Variants in FLNC observed in about 807,000 individuals in gnomAD.
The protein encoded by FLNC is filamin-C.
FLNC carries 91 observed loss-of-function variants against 254.3 expected under a neutral mutation model. The ratio of observed to expected loss-of-function variants is 0.36; its 90% CI spans 0.30 to 0.43. FLNC has a LOEUF of 0.43. Among genes scored for constraint, FLNC ranks in the 20% least tolerant of loss-of-function variants. The probability of loss-of-function intolerance (pLI) is 1.00; values close to 1 mark genes in which losing one functional copy is unlikely to be tolerated. For synonymous variants in FLNC, 1,430 were observed against 1,577.2 expected (o/e 0.91, Z 2.21); for missense variants, 2,853 against 3,802.6 (o/e 0.75, Z 6.57).
In FLNC at chr7:128,854,922, C is replaced by T; in HGVS notation, c.7135+10C>T. On this transcript the variant is annotated intron_variant, in intron 42 of 47. Coordinates refer to ENST00000325888, the MANE Select transcript of FLNC (RefSeq NM_001458.5). ...GTCGTCCAGGAACCAGGTGGGCGTC[C>T]ACACTGGCAGTGGGGCTGGGCCTGC... 1 of 1,613,802 alleles carries T rather than the reference C, an allele frequency of 6.2e-7. No individual in the cohort carries two copies. The highest frequency in any genetic ancestry group is 8.5e-7 in the Non-Finnish European group (1 of 1,179,934).
Position 128,840,584 on chromosome 7 carries a change from G to A in FLNC, c.1586G>A (p.Gly529Glu). Residue 529 changes from glycine to glutamate, a missense_variant, in exon 10 of 48, where the codon GGG becomes GAG. Transcript: ENST00000325888. ...GAGCCAGTGAAGGTGCGGGAGGCTG[G>A]GGATGGTGTGTTCGAGTGCGAGTAC... The part of the protein sequence containing the change: ...TEEPVKVREA[G>E]DGVFECEYYP... The A allele has an allele frequency of 6.2e-7, 1 of 1,614,226 alleles. No individual in the cohort carries two copies. Among genetic ancestry groups the A allele is most frequent in the Non-Finnish European group, 8.5e-7 (1 of 1,180,046 alleles).
At chr7:128,837,855 A>T in intron 5 of FLNC, 100 bp downstream of exon 5, 1 of 1,376,036 alleles carries the variant, frequency 7.3e-7, no homozygotes, top group Non-Finnish European at 1.0e-6. Context: ...TGCCAGAGCC[A>T]CACACTGTGC....
chr7:128,838,016 T>C lies in FLNC; in HGVS notation c.999T>C (p.Asp333=). 1 of 1,614,030 alleles carries C rather than the reference T, an allele frequency of 6.2e-7. No homozygotes were observed. The highest frequency in any genetic ancestry group is 8.5e-7 in the Non-Finnish European group (1 of 1,179,962). The change falls in exon 6 of 48, where the codon GAT becomes GAC. Residue 333 remains aspartate, a synonymous_variant. Transcript: ENST00000325888. ...AGGTGGTTCCCAACAATGACAAGGA[T>C]CGCACCTATGCTGTCTCCTATGTGC... ...EAKVVPNNDK[D]RTYAVSYVPK...
intron 20 of FLNC, 116 bp from the exon 21 acceptor site, chr7:128,844,542 T>A: frequency 9.4e-7 from 1 of 1,059,076 alleles, no homozygotes; most frequent in Admixed American, 1.7e-5. Context: ...GGGATTGTTA[T>A]AAGCACTCAG....
chr7:128,849,811 C>T (rs1007679269), intron 30 of FLNC, among the ~76,000 whole-genome samples, 165 bp from the exon 31 acceptor site: 10 of 152,214 alleles, frequency 6.6e-5, no homozygotes, highest in Non-Finnish European at 1.5e-5. Context: ...GAGGAACCCG[C>T]TGTGCTCTCC....
rs557380928 is a variant in FLNC at position 128,844,196 on chromosome 7, C to T, written c.3122C>T (p.Thr1041Ile). 1.2e-6 allele frequency: 2 copies of T among 1,613,260 alleles called. No individual in the cohort carries two copies. Among genetic ancestry groups the T allele is most frequent in the Non-Finnish European group, 1.7e-6 (2 of 1,179,542 alleles). ...PEEGPYKVDI[T>I]YDGHPVPGSP... ...GAGGGGCCCTACAAGGTGGATATCA[C>T]CTACGATGGTCACCCGGTGCCTGGC... Residue 1041 changes from threonine (T) to isoleucine (I), a missense_variant, in exon 20 of 48, where the codon ACC becomes ATC. Thr to Ile is a moderately conservative substitution (Grantham distance 89). Around this residue, in one of 10 missense-constraint regions of FLNC, gnomAD observed 1,573 missense variants for 1,883.5 expected, o/e 0.84. Transcript: ENST00000325888.
In FLNC at chr7:128,830,944, G is replaced by T; in HGVS notation, c.307G>T (p.Ala103Ser). The change falls in exon 1 of 48, where the codon GCC becomes TCC. Residue 103 changes from alanine to serine, a missense_variant. Ala to Ser is a moderately conservative substitution (Grantham distance 99, BLOSUM62 1). This residue lies in a region of FLNC where 115 missense variants were observed against 230.3 expected (regional missense o/e 0.50). Transcript: ENST00000325888. The part of the protein sequence containing the change: ...RQMKLENVSV[A>S]LEFLEREHIK... The stretch of plus-strand genomic sequence containing the variant: ...AATGAAGCTGGAGAACGTGTCCGTG[G>T]CCCTCGAGTTCCTCGAGCGCGAGCA... 6.2e-7 allele frequency: 1 copy of T among 1,611,898 alleles called. No individual in the cohort carries two copies.
At position 128,841,006 on chromosome 7, in the gene FLNC, G is replaced by C. The variant is rs142756348; in HGVS notation, c.1813+36G>C. 23 of 1,573,730 alleles carry C rather than the reference G, an allele frequency of 1.5e-5. No homozygotes were observed. Among genetic ancestry groups the C allele is most frequent in the Non-Finnish European group, 1.9e-5 (22 of 1,158,138 alleles). On this transcript the variant is annotated intron_variant, in intron 11 of 47. Transcript: ENST00000325888. This position sits in a 1 kb window ranked among gnomAD's most constrained non-coding sequence, Gnocchi z 4.3. ...GGGGGGCAGGAGGAGGGAGTGCTGC[G>C]GGGGAGGGCAGCAGGGGACACTGTG... is the stretch of plus-strand genomic sequence containing the variant.
rs1808594360 is a variant in FLNC, at chr7:128,846,965, CCCACAAGGGGGAAA to C, written c.4288+62_4288+75del. 3 of 1,590,874 alleles carry C rather than the reference CCCACAAGGGGGAAA, an allele frequency of 1.9e-6. No individual in the cohort carries two copies. In the African/African-American group the frequency reaches 4.0e-5, roughly 21 times the overall value. On this transcript the variant is annotated intron_variant, in intron 24 of 47. Coordinates refer to ENST00000325888, the MANE Select transcript of FLNC (RefSeq NM_001458.5). ...ACAAGGGAGGGTGCAGGATGCTCGC[CCCACAAGGGGGAAA>C]CTGGAAGGAAGTTGGGTAAGAATGT...
intron 21 of FLNC, 65 bp from the exon 22 acceptor site, chr7:128,845,925 G>A: frequency 6.9e-7 from 1 of 1,446,968 alleles, no homozygotes; most frequent in Non-Finnish European, 9.7e-7. Context: ...GAGGGGGAGA[G>A]GAGAGGGAGC....
chr7:128,847,051 G>T, intron 24 of FLNC, 146 bp downstream of exon 24: 1 of 980,482 alleles, frequency 1.0e-6, no homozygotes, highest in South Asian at 1.6e-5. Flanking sequence ...AGCCCGGCCA[G>T]AGGGAGGACG....
intron 37 of FLNC, 55 bp from the exon 38 acceptor site, chr7:128,853,413 CA>C: frequency 1.9e-6 from 3 of 1,605,328 alleles, no homozygotes; most frequent in Non-Finnish European, 2.6e-6. Flanking sequence ...GAGAGGAAAG[CA>C]TTGTGGCTTG....
chr7:128,854,758 A>G lies in FLNC; in HGVS notation c.6998-17A>G, dbSNP rs1053221286. The stretch of plus-strand genomic sequence containing the variant: ...AGGGGCGATGATGCTGAAGTCCACT[A>G]CCTTGCCTGTCCCCAGCCGAGTTCA... On this transcript the variant is annotated splice_polypyrimidine_tract_variant and intron_variant, in intron 41 of 47. Coordinates refer to ENST00000325888, the MANE Select transcript of FLNC (RefSeq NM_001458.5). 2.5e-6 allele frequency: 4 copies of G among 1,613,860 alleles called. No individual in the cohort carries two copies. The highest frequency in any genetic ancestry group is 3.3e-5 in the Admixed American group (2 of 60,012).
intron 24 of FLNC, 72 bp from the exon 25 acceptor site, chr7:128,847,625 C>T: frequency 6.3e-7 from 1 of 1,587,890 alleles, no homozygotes; most frequent in Non-Finnish European, 8.6e-7. Context: ...AGGCCTCCTC[C>T]TCCGAGGCTC....
chr7:128,830,707 A>G lies in FLNC; in HGVS notation c.70A>G (p.Thr24Ala). The change falls in exon 1 of 48, where the codon ACG becomes GCG. Residue 24 changes from threonine (T) to alanine (A), a missense_variant. Physicochemically the swap from Thr to Ala is moderately conservative, Grantham distance 58. This residue lies in a region of FLNC where 37 missense variants were observed against 32.7 expected (regional missense o/e 1.13). Transcript: ENST00000325888. ...CGATGAGACAGACGAGATGCCGTCC[A>G]CGGAGAAGGACCTGGCGGAGGACGC... The part of the protein sequence containing the change: ...LGDETDEMPS[T>A]EKDLAEDAPW... 1.2e-6 allele frequency: 2 copies of G among 1,612,964 alleles called. No homozygotes were observed. Among genetic ancestry groups the G allele is most frequent in the Non-Finnish European group, 1.7e-6 (2 of 1,179,966 alleles).
chr7:128,838,084 C>A lies in FLNC; in HGVS notation c.1047+20C>A, dbSNP rs1414842958. ...CACAAGGTATCTCCCTCTAGGCCCC[C>A]CTGCCTGCGCTGCTCTTCACATCCT... On this transcript the variant is annotated intron_variant, in intron 6 of 47. Coordinates refer to ENST00000325888, the MANE Select transcript of FLNC (RefSeq NM_001458.5). 3.1e-6 allele frequency: 5 copies of A among 1,600,098 alleles called. No homozygotes were observed. The African/African-American group carries it at 4.0e-5, about 13-fold the overall frequency.
intron 24 of FLNC, 52 bp from the exon 25 acceptor site, chr7:128,847,644 CA>C: frequency 1.2e-6 from 2 of 1,609,016 alleles, no homozygotes; most frequent in South Asian, 1.1e-5. Context: ...TCCTCAGCAT[CA>C]GGGGGACCCA....
chr7:128,855,455 C>A, intron 43 of FLNC, 141 bp downstream of exon 43: 1 of 697,148 alleles, frequency 1.4e-6, no homozygotes, highest in Non-Finnish European at 2.6e-6. Flanking sequence ...AGGCACGAGG[C>A]AGGGCCCTTG....
At chr7:128,845,413 C>T (rs577982002) in intron 21 of FLNC, among the ~76,000 whole-genome samples, 158 bp downstream of exon 21, 19 of 152,282 alleles carry the variant, frequency 1.2e-4, no homozygotes, top group African/African-American at 4.6e-4. Flanking sequence ...CCCAGAAACC[C>T]CAGAGAAGGA....
Sources: allele counts gnomAD v4.1 joint callset (sites outside exome capture counted in the v4.1 genomes callset), GRCh38; gene constraint gnomAD v4.1.1; regional missense constraint gnomAD v4.1.1; non-coding constraint Gnocchi (gnomAD v3.1); transcripts MANE v1.5; gene names NCBI Gene and HGNC (gene_info 2026-07-23, HGNC 2026-07-21).